The following CYRIB variants were observed in gnomAD, a reference collection of about 807,000 sequenced individuals.
CYRIB encodes CYFIP related Rac1 interactor B, also known as CYFIP-related Rac1 interactor B.
CYRIB carries 8 observed loss-of-function variants against 44.2 expected under a neutral mutation model. That is an observed-to-expected ratio of 0.18 (90% CI 0.11 to 0.33). CYRIB has a LOEUF of 0.33. CYRIB is among the 10% of genes least tolerant of loss of function. CYRIB has a pLI of 1.00. For synonymous variants in CYRIB, 131 were observed against 127.2 expected, an observed-to-expected ratio of 1.03 and a Z score of -0.20; for missense variants, 185 against 382.8, an observed-to-expected ratio of 0.48 and a Z score of 4.31.
intron 2 of CYRIB, among the ~76,000 whole-genome samples, chr8:129,890,294 T>A (rs1325881219): frequency 6.6e-6 from 1 of 152,194 alleles, no homozygotes; most frequent in African/African-American, 2.4e-5. Flanking sequence ...TTCATTTTTG[T>A]CTTATTTTAA....
chr8:129,871,302 T>C, intron 4 of CYRIB, 73 bp downstream of exon 6: 1 of 1,502,964 alleles, frequency 6.7e-7, no homozygotes, highest in South Asian at 1.4e-5. Flanking sequence ...TTCTGAAGTC[T>C]AGAAAACAAG....
intron 2 of CYRIB, among the ~76,000 whole-genome samples, chr8:129,953,007 G>C (rs1368775726): frequency 6.6e-6 from 1 of 152,184 alleles, no homozygotes; most frequent in Non-Finnish European, 1.5e-5. Context: ...GAGGCAAGAA[G>C]AAAGAGGCCC....
chr8:129,904,284 G>A (rs577631166), intron 1 of CYRIB, among the ~76,000 whole-genome samples: 12 of 152,174 alleles, frequency 7.9e-5, no homozygotes, highest in African/African-American at 2.2e-4. Flanking sequence ...AATAGGAGAC[G>A]TCTACAGGAA....
chr8:129,877,797 A>G (rs1377078215), intron 3 of CYRIB, among the ~76,000 whole-genome samples: 1 of 152,070 alleles, frequency 6.6e-6, no homozygotes, highest in African/African-American at 2.4e-5. Context: ...CCATAACATA[A>G]TACTAGGTTT....
intron 1 of CYRIB, among the ~76,000 whole-genome samples, chr8:129,973,063 A>T (rs28366859): frequency 6.6e-6 from 1 of 152,118 alleles, no homozygotes; most frequent in African/African-American, 2.4e-5. Flanking sequence ...TGTGCCAAGC[A>T]TTGTGGCCAT....
intron 2 of CYRIB, among the ~76,000 whole-genome samples, chr8:129,887,226 C>T (rs1307609842): frequency 6.6e-6 from 1 of 152,176 alleles, no homozygotes; most frequent in Non-Finnish European, 1.5e-5. Context: ...ACTCCAGCTC[C>T]AGCCACGGCT....
At chr8:130,005,034 T>C (rs1278186826) in intron 1 of CYRIB, among the ~76,000 whole-genome samples, 1 of 152,230 alleles carries the variant, frequency 6.6e-6, no homozygotes, top group African/African-American at 2.4e-5. Flanking sequence ...CCCAAAGTGC[T>C]GGGATTACAG....
chr8:130,006,672 A>G lies in CYRIB; in HGVS notation c.-296+9698T>C, dbSNP rs1485216361. ...TATACATATATATATGTATATATAT[A>G]TGTATATATATACACACATATATCT... is the stretch of plus-strand genomic sequence containing the variant. On this transcript the variant is annotated intron_variant, in intron 1 of 14. Transcript: ENST00000401979. 1.0e-4 allele frequency among the ~76,000 whole-genome samples: 12 copies of G among 114,880 alleles called. 1 individual carries two copies. The highest frequency in any genetic ancestry group is 2.9e-4 in the Admixed American group (3 of 10,264). The allele number at this position is 114,880 out of a possible 152,430, so 75.4% of individuals were successfully genotyped here. A position where few individuals can be genotyped will look rare whatever the true frequency, so the allele number is the denominator to read the frequency against.
At chr8:129,906,369 C>T (rs1425250900) in intron 1 of CYRIB, among the ~76,000 whole-genome samples, 1 of 152,144 alleles carries the variant, frequency 6.6e-6, no homozygotes, top group Non-Finnish European at 1.5e-5. Flanking sequence ...CCCTATTCAA[C>T]AAATGGTGCT....
chr8:130,002,868 G>A (rs980953198), intron 1 of CYRIB, among the ~76,000 whole-genome samples: 2 of 152,236 alleles, frequency 1.3e-5, no homozygotes, highest in African/African-American at 4.8e-5. Flanking sequence ...GAAGCCAAGC[G>A]AGGAGGGTGG....
chr8:129,953,302 G>A (rs1375128409), intron 2 of CYRIB, among the ~76,000 whole-genome samples: 1 of 152,136 alleles, frequency 6.6e-6, no homozygotes, highest in Non-Finnish European at 1.5e-5. Flanking sequence ...GACTTGTCCT[G>A]CACTTTATCC....
chr8:129,988,318 C>T (rs544243131), intron 1 of CYRIB, among the ~76,000 whole-genome samples: 1 of 152,320 alleles, frequency 6.6e-6, no homozygotes, highest in East Asian at 1.9e-4. Flanking sequence ...TAGCCTTGCG[C>T]CCTGGGACTG....
At chr8:129,942,236 G>A (rs1366042237), upstream of CYRIB, among the ~76,000 whole-genome samples, 1 of 152,232 alleles carries the variant, frequency 6.6e-6, no homozygotes, top group African/African-American at 2.4e-5. Flanking sequence ...CTACTCAGGA[G>A]GCTGAGGCAG....
intron 1 of CYRIB, among the ~76,000 whole-genome samples, chr8:129,995,480 C>T (rs1206319582): frequency 6.6e-6 from 1 of 152,238 alleles, no homozygotes; most frequent in Non-Finnish European, 1.5e-5. Context: ...ATAACACTAT[C>T]TGAAGCTTGT....
chr8:129,905,158 AATTT>A (rs2074553528), intron 1 of CYRIB, among the ~76,000 whole-genome samples: 1 of 152,086 alleles, frequency 6.6e-6, no homozygotes, highest in African/African-American at 2.4e-5. Context: ...TTTTTTAATT[AATTT>A]ATTTATTTGA....
At chr8:129,981,959 C>T (rs574342311) in intron 1 of CYRIB, among the ~76,000 whole-genome samples, 1 of 152,342 alleles carries the variant, frequency 6.6e-6, no homozygotes, top group Admixed American at 6.5e-5. Context: ...CCCCGCTGGA[C>T]TGAGAGTAAC....
upstream of CYRIB, among the ~76,000 whole-genome samples, chr8:129,941,563 C>T (rs1050711819): frequency 5.9e-5 from 9 of 151,974 alleles, no homozygotes; most frequent in African/African-American, 1.2e-4. Flanking sequence ...CGTGAGCCAC[C>T]GCCCCCAGCT....
intron 2 of CYRIB, among the ~76,000 whole-genome samples, chr8:129,956,394 C>G (rs2094834122): frequency 6.6e-6 from 1 of 152,154 alleles, no homozygotes; most frequent in Non-Finnish European, 1.5e-5. Context: ...CCCCTAGAGT[C>G]TATGAAGTAA....
At chr8:129,849,314 T>C in exon 10 of CYRIB, 1 of 1,613,656 alleles carries the variant, frequency 6.2e-7, no homozygotes, top group Non-Finnish European at 8.5e-7. Flanking sequence ...ACACCCACCA[T>C]TACCCTCAAG....
Sources: allele counts gnomAD v4.1 joint callset (sites outside exome capture counted in the v4.1 genomes callset), GRCh38; gene constraint gnomAD v4.1.1; transcripts MANE v1.5; gene names NCBI Gene and HGNC (gene_info 2026-07-23, HGNC 2026-07-21).